Variants in SNRNP40 observed in about 807,000 individuals in gnomAD.
SNRNP40 encodes small nuclear ribonucleoprotein U5 subunit 40.
SNRNP40 carries 21 observed loss-of-function variants against 45.8 expected under a neutral mutation model. The ratio of observed to expected loss-of-function variants is 0.46; its 90% CI spans 0.32 to 0.66. The LOEUF (loss-of-function observed/expected upper bound fraction) is 0.66, where lower values mean the gene tolerates loss of function less well. SNRNP40 is among the 30% of genes least tolerant of loss of function. The pLI, the probability that SNRNP40 is intolerant of heterozygous loss-of-function variation, is 0.03. For missense variants in SNRNP40, 344 were observed against 439.1 expected, an observed-to-expected ratio of 0.78 and a Z score of 1.94; for synonymous variants, 142 against 163.8, an observed-to-expected ratio of 0.87 and a Z score of 1.01.
At chr1:31,271,030 C>T (rs1355000445) in intron 6 of SNRNP40, among the ~76,000 whole-genome samples, 2 of 152,172 alleles carry the variant, frequency 1.3e-5, no homozygotes, top group African/African-American at 4.8e-5. Context: ...TCTCTGAAAA[C>T]GCACAAGAAC....
At chr1:31,260,536 T>G (rs1645851091) in intron 9 of SNRNP40, among the ~76,000 whole-genome samples, 1 of 152,042 alleles carries the variant, frequency 6.6e-6, no homozygotes, top group African/African-American at 2.4e-5. Context: ...GCCAAAAAAT[T>G]TTAAGCTGAA....
chr1:31,285,809 A>G (rs185279387), intron 4 of SNRNP40, among the ~76,000 whole-genome samples: 10 of 152,206 alleles, frequency 6.6e-5, no homozygotes, highest in Non-Finnish European at 8.8e-5. Flanking sequence ...ATCATCCCCA[A>G]TTTAGGTTTG....
chr1:31,261,720 C>T (rs902594448), intron 8 of SNRNP40, 88 bp from the exon 9 acceptor site: 3 of 746,676 alleles, frequency 4.0e-6, no homozygotes, highest in Admixed American at 4.9e-5. Context: ...ATGGAAGCAA[C>T]AATTATTTAC....
intron 4 of SNRNP40, among the ~76,000 whole-genome samples, chr1:31,282,868 G>A (rs1227410761): frequency 6.6e-6 from 1 of 152,082 alleles, no homozygotes; most frequent in Non-Finnish European, 1.5e-5. Context: ...TAGAGACAGG[G>A]TTTCGCCACG....
At chr1:31,274,140 G>A (rs796307628) in intron 5 of SNRNP40, among the ~76,000 whole-genome samples, 14 of 152,204 alleles carry the variant, frequency 9.2e-5, no homozygotes, top group African/African-American at 3.4e-4. Context: ...TGAATGCCTG[G>A]CTTGCACTTT....
intron 2 of SNRNP40, chr1:31,292,966 T>A: frequency 2.1e-6 from 1 of 473,804 alleles, no homozygotes; most frequent in Non-Finnish European, 3.8e-6. Context: ...TTTGCCTCTA[T>A]GAGGAAGACA....
chr1:31,275,484 G>A (rs1461191228), intron 5 of SNRNP40, among the ~76,000 whole-genome samples: 1 of 152,016 alleles, frequency 6.6e-6, no homozygotes, highest in Admixed American at 6.6e-5. Context: ...CCACCTCCCG[G>A]GTTCAAGCGA....
chr1:31,278,627 G>C (rs1645992425), intron 5 of SNRNP40, among the ~76,000 whole-genome samples: 1 of 152,166 alleles, frequency 6.6e-6, no homozygotes, highest in African/African-American at 2.4e-5. Context: ...TCCATGTTCT[G>C]ATTCTTCATT....
chr1:31,262,521 CAAAAAAAAAAA>C (rs57503418), intron 8 of SNRNP40, among the ~76,000 whole-genome samples: 3 of 40,626 alleles, frequency 7.4e-5, no homozygotes, highest in South Asian at 8.8e-4. Context: ...ACTCCATCTC[CAAAAAAAAAAA>C]AAAAAAAAAA....
intron 5 of SNRNP40, among the ~76,000 whole-genome samples, chr1:31,273,352 A>G (rs897968687): frequency 6.6e-6 from 1 of 152,124 alleles, no homozygotes; most frequent in Non-Finnish European, 1.5e-5. Context: ...ATTTGCCACA[A>G]AAAAAATCTA....
At chr1:31,272,182 CAT>C (rs578179894) in intron 5 of SNRNP40, among the ~76,000 whole-genome samples, 130 of 152,160 alleles carry the variant, frequency 8.5e-4, no homozygotes, top group African/African-American at 3.0e-3. Context: ...ATTATGATTA[CAT>C]GTTTGTGTAA....
chr1:31,293,380 G>A (rs779372287), intron 1 of SNRNP40, 32 bp from the exon 2 acceptor site: 26 of 1,569,344 alleles, frequency 1.7e-5, no homozygotes, highest in Admixed American at 2.0e-5. Context: ...GGTAACTACT[G>A]CATACAGACA....
intron 9 of SNRNP40, among the ~76,000 whole-genome samples, chr1:31,260,460 T>C (rs576316334): frequency 1.8e-4 from 28 of 152,248 alleles, no homozygotes; most frequent in Non-Finnish European, 3.4e-4. Context: ...CTGCTTGTTA[T>C]ACTTAGCCCT....
At chr1:31,276,684 G>C (rs754674832) in intron 5 of SNRNP40, among the ~76,000 whole-genome samples, 4 of 151,734 alleles carry the variant, frequency 2.6e-5, no homozygotes, top group African/African-American at 9.7e-5. Flanking sequence ...CCAGGAGTTC[G>C]AGACCAGCCT....
intron 8 of SNRNP40, chr1:31,263,637 T>C: frequency 2.2e-6 from 1 of 461,442 alleles, no homozygotes; most frequent in South Asian, 1.6e-5. Context: ...TAGGCTCTCC[T>C]GAAGACTGTG....
chr1:31,260,297 CTAA>C (rs1645849472), intron 9 of SNRNP40, among the ~76,000 whole-genome samples, 176 bp from the exon 10 acceptor site: 2 of 152,120 alleles, frequency 1.3e-5, no homozygotes, highest in African/African-American at 4.8e-5. Context: ...TCCAAGTCCT[CTAA>C]TATCATGAGG....
intron 4 of SNRNP40, 63 bp downstream of exon 4, chr1:31,289,191 A>C (rs976378399): frequency 4.0e-6 from 6 of 1,490,512 alleles, no homozygotes; most frequent in African/African-American, 1.4e-5. Flanking sequence ...TACAAGTGGC[A>C]AGGCAAGATA....
chr1:31,271,938 C>G (rs1358614081), intron 5 of SNRNP40, among the ~76,000 whole-genome samples: 1 of 152,328 alleles, frequency 6.6e-6, no homozygotes, highest in East Asian at 1.9e-4. Context: ...CCTGGCCAAT[C>G]TCTGTCTTTC....
intron 5 of SNRNP40, among the ~76,000 whole-genome samples, chr1:31,272,134 TATAA>T (rs1439198068): frequency 6.6e-6 from 1 of 152,194 alleles, no homozygotes; most frequent in Non-Finnish European, 1.5e-5. Context: ...TAAAAATTAT[TATAA>T]ATACATAAAA....
Sources: allele counts gnomAD v4.1 joint callset (sites outside exome capture counted in the v4.1 genomes callset), GRCh38; gene constraint gnomAD v4.1.1; transcripts MANE v1.5; gene names NCBI Gene and HGNC (gene_info 2026-07-23, HGNC 2026-07-21).